The following BLTP1 variants were observed in gnomAD, a reference collection of about 807,000 sequenced individuals.
BLTP1 encodes bridge-like lipid transfer protein family member 1, also known as fragile site-associated protein.
the BLTP1 span, among the ~76,000 whole-genome samples, chr4:122,296,274 C>G: frequency 6.6e-6 from 1 of 152,176 alleles, no homozygotes; most frequent in Non-Finnish European, 1.5e-5. Flanking sequence ...ACACCAATAA[C>G]AGGCAAGAAG....
At chr4:122,260,713 T>A in the BLTP1 span, among the ~76,000 whole-genome samples, 28 of 151,920 alleles carry the variant, frequency 1.8e-4, no homozygotes, top group Non-Finnish European at 1.5e-5. Context: ...AGTATTTCCA[T>A]ATTGAGGAAT....
At chr4:122,353,233 C>A in the BLTP1 span, 1 of 1,547,440 alleles carries the variant, frequency 6.5e-7, no homozygotes, top group Non-Finnish European at 8.7e-7. This position sits in a 1 kb window ranked among gnomAD's most constrained non-coding sequence, Gnocchi z 4.3. Context: ...TTTCTGAAGT[C>A]CATCTCTGTT....
chr4:122,262,860 A>G, the BLTP1 span: 3 of 1,614,088 alleles, frequency 1.9e-6, no homozygotes, highest in South Asian at 1.1e-5. Flanking sequence ...AGTAAAGGAC[A>G]GTCCAAGGAA....
the BLTP1 span, among the ~76,000 whole-genome samples, chr4:122,177,243 T>G: frequency 6.6e-6 from 1 of 152,220 alleles, no homozygotes; most frequent in Non-Finnish European, 1.5e-5. Context: ...CTGCTGTCTT[T>G]TGTGTCCCAG....
the BLTP1 span, chr4:122,244,957 A>G: frequency 6.4e-7 from 1 of 1,566,344 alleles, no homozygotes; most frequent in Admixed American, 1.8e-5. Context: ...TGATATGTTT[A>G]CATAAACTAA....
the BLTP1 span, among the ~76,000 whole-genome samples, chr4:122,290,704 G>A: frequency 2.1e-5 from 3 of 145,880 alleles, no homozygotes; most frequent in African/African-American, 5.1e-5. Context: ...GGAGAATGGC[G>A]TGAACCTGGG....
the BLTP1 span, chr4:122,230,339 T>C: frequency 2.7e-6 from 2 of 747,494 alleles, no homozygotes; most frequent in African/African-American, 1.8e-5. Flanking sequence ...ATGATTGTGC[T>C]GCTGCACCTC....
the BLTP1 span, chr4:122,266,761 T>G: frequency 1.3e-6 from 2 of 1,561,704 alleles, no homozygotes; most frequent in Middle Eastern, 1.7e-4. Context: ...GTTGAGCTAA[T>G]ATGAATGTTT....
At chr4:122,267,771 T>C in the BLTP1 span, 1 of 207,774 alleles carries the variant, frequency 4.8e-6, no homozygotes, top group African/African-American at 2.4e-5. Flanking sequence ...GGAAATAATA[T>C]ACCCACTAAC....
the BLTP1 span, chr4:122,179,917 C>A: frequency 1.0e-6 from 1 of 985,194 alleles, no homozygotes; most frequent in Non-Finnish European, 1.2e-6. Context: ...CATTCCAGAT[C>A]AATGGAGGCA....
At chr4:122,302,257 G>A in the BLTP1 span, 18 of 981,768 alleles carry the variant, frequency 1.8e-5, no homozygotes, top group East Asian at 1.1e-4. Context: ...AGAAATTAAC[G>A]TTGCCAGTTT....
the BLTP1 span, chr4:122,182,933 A>T: frequency 4.1e-6 from 4 of 980,086 alleles, no homozygotes; most frequent in South Asian, 4.7e-5. Context: ...CTTGAAAGAC[A>T]CTTGGGTCAC....
chr4:122,213,389 G>A, the BLTP1 span, among the ~76,000 whole-genome samples: 9 of 151,580 alleles, frequency 5.9e-5, no homozygotes, highest in African/African-American at 2.2e-4. Flanking sequence ...ATCAGTATTA[G>A]TACCTTAAAA....
chr4:122,318,278 C>A, the BLTP1 span: 1 of 1,606,712 alleles, frequency 6.2e-7, no homozygotes, highest in Admixed American at 1.7e-5. Flanking sequence ...CGGGTGAGTT[C>A]TCTTTTTTCT....
chr4:122,265,692 TTTG>T, the BLTP1 span, among the ~76,000 whole-genome samples: 3 of 151,428 alleles, frequency 2.0e-5, no homozygotes, highest in South Asian at 6.3e-4. Context: ...TAGATATTTT[TTTG>T]TTGTTGTTTG....
the BLTP1 span, chr4:122,341,004 A>C: frequency 5.6e-6 from 1 of 178,346 alleles, no homozygotes; most frequent in Non-Finnish European, 1.1e-5. Flanking sequence ...AAAGTATCAT[A>C]GGTATTTTCC....
the BLTP1 span, among the ~76,000 whole-genome samples, chr4:122,337,729 G>T: frequency 6.6e-6 from 1 of 151,532 alleles, no homozygotes; most frequent in Admixed American, 6.6e-5. Context: ...AGTCACAATA[G>T]TACCTTTGTT....
chr4:122,347,829 A>T, the BLTP1 span: 1 of 1,364,424 alleles, frequency 7.3e-7, no homozygotes. Context: ...TCTCAGGATA[A>T]AATCTTAGTT....
At chr4:122,318,433 C>T in the BLTP1 span, among the ~76,000 whole-genome samples, 51 of 152,226 alleles carry the variant, frequency 3.4e-4, 1 homozygote, top group African/African-American at 1.1e-3. Flanking sequence ...CCTATTTTAA[C>T]GATGAAGAAA....
Sources: allele counts gnomAD v4.1 joint callset (sites outside exome capture counted in the v4.1 genomes callset), GRCh38; gene constraint gnomAD v4.1.1; non-coding constraint Gnocchi (gnomAD v3.1); transcripts MANE v1.5; gene names NCBI Gene and HGNC (gene_info 2026-07-23, HGNC 2026-07-21).